Variants in NBPF12 observed in about 807,000 individuals in gnomAD.
NBPF12 encodes the protein NBPF family member NBPF12.
NBPF12 carries 115 observed loss-of-function variants against 146.4 expected under a neutral mutation model. That is an observed-to-expected ratio of 0.79 (90% CI 0.68 to 0.92). The LOEUF (loss-of-function observed/expected upper bound fraction) is 0.92. Among genes scored for constraint, NBPF12 ranks in the 40% least tolerant of loss-of-function variants. The pLI, the probability that NBPF12 is intolerant of heterozygous loss-of-function variation, is 0.00. For synonymous variants in NBPF12, 385 were observed against 508.9 expected, an observed-to-expected ratio of 0.76 and a Z score of 3.28; for missense variants, 1,205 against 1,326.8, an observed-to-expected ratio of 0.91 and a Z score of 1.43.
At chr1:146,994,448 G>A in exon 34 of NBPF12, 1 of 1,611,906 alleles carries the variant, frequency 6.2e-7, no homozygotes, top group Non-Finnish European at 8.5e-7. Context: ...CAGCACTACA[G>A]AAGTGTGTTT....
At chr1:146,961,317 C>G (rs1255942059) in intron 4 of NBPF12, among the ~76,000 whole-genome samples, 2 of 151,480 alleles carry the variant, frequency 1.3e-5, no homozygotes, top group Non-Finnish European at 2.9e-5. Flanking sequence ...AGCAGGGACC[C>G]TCAGCCTGTC....
rs1553885687 is a variant in NBPF12, at chr1:146,966,642, C to T, written c.957C>T (p.Ala319=). The T allele has an allele frequency of 1.7e-5, 26 of 1,501,268 alleles. 1 individual carries two copies. The highest frequency in any genetic ancestry group is 9.0e-5 in the East Asian group (4 of 44,414). The allele number at this position is 1,501,268 out of a possible 1,614,324, so 93.0% of individuals were successfully genotyped here. A position where few individuals can be genotyped will look rare whatever the true frequency, so the allele number is the denominator to read the frequency against. ...AGAAATGTTTTGTAACTCAACTGGC[C>T]GGCTTCCTGGCCAAGCAGCAGAACA... Residue 319 remains alanine (A), a synonymous_variant, in exon 9 of 34, where the codon GCC becomes GCT. Coordinates refer to ENST00000617844, the Ensembl canonical transcript of NBPF12.
chr1:146,962,266 G>T lies in NBPF12; in HGVS notation c.278+3G>T. ...CTGAAACAAGCTGAGGAGCTCAGGT[G>T]AGGGGACCCCATGGGGGGAGGCAGG... is the stretch of plus-strand genomic sequence containing the variant. On this transcript the variant is annotated splice_donor_region_variant and intron_variant, in intron 5 of 33. Transcript: ENST00000617844. 6.2e-7 allele frequency: 1 copy of T among 1,603,092 alleles called. No homozygotes were observed. Among genetic ancestry groups the T allele is most frequent in the South Asian group, 1.1e-5 (1 of 90,938 alleles).
At chr1:146,948,498 T>A (rs1254015333), upstream of NBPF12, among the ~76,000 whole-genome samples, 1 of 151,620 alleles carries the variant, frequency 6.6e-6, no homozygotes, top group Non-Finnish European at 1.5e-5. Flanking sequence ...GTTAAATGGA[T>A]TAAGGGCTGT....
At position 146,954,896 on chromosome 1, in the gene NBPF12, C is replaced by A. The variant is rs1305642382; in HGVS notation, c.-184+3407C>A. ...GTATACACACCCACACACACACACACAAACGTGTGTGTGTGTGTGTGTGTG... is the reference window on the plus strand; with the variant it reads ...GTATACACACCCACACACACACACAAAAACGTGTGTGTGTGTGTGTGTGTG... On this transcript the variant is annotated intron_variant, in intron 2 of 33. Coordinates refer to ENST00000617844, the Ensembl canonical transcript of NBPF12. Among the ~76,000 whole-genome samples, 18 of 111,848 alleles carry A rather than the reference C, an allele frequency of 1.6e-4. No individual in the cohort carries two copies. The East Asian group carries it at 4.0e-3, about 25-fold the overall frequency. The allele number at this position is 111,848 out of a possible 152,430, so 73.4% of individuals were successfully genotyped here.
At chr1:146,954,774 G>A (rs1380832146) in intron 2 of NBPF12, among the ~76,000 whole-genome samples, 11,270 of 142,888 alleles carry the variant, frequency 0.079, 601 homozygotes, top group East Asian at 0.23. Context: ...GTGTTTTGTT[G>A]AAAAAAAAAT....
chr1:146,965,599 G>T (rs1322067618), intron 8 of NBPF12, among the ~76,000 whole-genome samples: 1 of 146,726 alleles, frequency 6.8e-6, no homozygotes, highest in African/African-American at 2.6e-5. Flanking sequence ...TGGCTAACAC[G>T]GTGAAACCCC....
intron 16 of NBPF12, among the ~76,000 whole-genome samples, chr1:146,976,374 G>T (rs1400576899): frequency 7.3e-6 from 1 of 137,492 alleles, no homozygotes; most frequent in Non-Finnish European, 1.5e-5. Flanking sequence ...TTTCCAAAAT[G>T]AGATGAAGCC....
intron 1 of NBPF12, among the ~76,000 whole-genome samples, chr1:146,950,571 C>G (rs1483019816): frequency 1.3e-5 from 2 of 151,790 alleles, no homozygotes; most frequent in Non-Finnish European, 2.9e-5. Context: ...CCTCTGGGCT[C>G]TCTGCTCTGC....
At chr1:146,959,473 G>A (rs1345740578) in intron 2 of NBPF12, among the ~76,000 whole-genome samples, 1 of 62,928 alleles carries the variant, frequency 1.6e-5, no homozygotes, top group Non-Finnish European at 3.1e-5. Context: ...GGGCGACAGA[G>A]TGAGACTCTG....
upstream of NBPF12, among the ~76,000 whole-genome samples, chr1:146,938,436 G>A (rs1334551088): frequency 9.9e-5 from 15 of 152,122 alleles, no homozygotes; most frequent in African/African-American, 3.6e-4. Context: ...GGCAGGGGCG[G>A]TTCAAGTGGC....
exon 13 of NBPF12, chr1:146,971,257 G>A: frequency 6.2e-7 from 1 of 1,612,362 alleles, no homozygotes; most frequent in East Asian, 2.2e-5. Flanking sequence ...TGTTCAAATA[G>A]CCACGGCCCT....
upstream of NBPF12, among the ~76,000 whole-genome samples, chr1:146,948,729 G>A (rs1553883595): frequency 3.1e-4 from 47 of 151,926 alleles, no homozygotes; most frequent in African/African-American, 8.5e-4. Flanking sequence ...CCCGACACCC[G>A]TAAAGGGTCT....
In NBPF12 at chr1:146,969,574, C is replaced by A. The variant is rs1371401089; in HGVS notation, c.1284C>A (p.His428Gln). 1,023 of 1,608,364 alleles carry A rather than the reference C, an allele frequency of 6.4e-4. 19 individuals carry two copies. Among genetic ancestry groups the A allele is most frequent in the East Asian group, 6.1e-3 (274 of 44,810 alleles). ...CTGAGGGGTGTAGACTGGCACAGCA[C>A]CTTGTCCAAAAGCTCAGCCCAGGTA... Residue 428 changes from histidine to glutamine, a missense_variant, in exon 11 of 34, where the codon CAC (histidine) becomes CAA (glutamine). Transcript: ENST00000617844.
At chr1:146,960,835 A>C (rs1655800699) in intron 4 of NBPF12, among the ~76,000 whole-genome samples, 1 of 152,040 alleles carries the variant, frequency 6.6e-6, no homozygotes. Context: ...TGTGCTATCT[A>C]TAAGTGACAG....
chr1:146,975,552 A>C (rs1325809371), intron 15 of NBPF12, 125 bp from the exon 19 acceptor site: 3 of 595,840 alleles, frequency 5.0e-6, no homozygotes, highest in African/African-American at 2.1e-5. Context: ...CATTCCTTTC[A>C]ACATGTGCTG....
chr1:146,989,342 CTCTG>C (rs1657998063), intron 27 of NBPF12, among the ~76,000 whole-genome samples: 1 of 106,286 alleles, frequency 9.4e-6, no homozygotes, highest in African/African-American at 3.3e-5. Flanking sequence ...TTCTCTCTGT[CTCTG>C]TCTCTGTCTC....
At chr1:146,942,847 C>T (rs1357900734) in intron 1 of NBPF12, among the ~76,000 whole-genome samples, 7 of 149,424 alleles carry the variant, frequency 4.7e-5, no homozygotes, top group African/African-American at 1.5e-4. Context: ...CAGAAAGAAT[C>T]GAATTCTTGT....
exon 22 of NBPF12, chr1:146,984,903 A>G: frequency 4.4e-6 from 7 of 1,597,306 alleles, no homozygotes; most frequent in South Asian, 1.1e-5. Context: ...TTTATCTTGG[A>G]CTGACTGACT....
Sources: gnomAD v4.1 joint callset for allele counts (sites outside exome capture counted in the v4.1 genomes callset) on GRCh38, gnomAD v4.1.1 for gene constraint, MANE v1.5 for transcripts, NCBI Gene and HGNC (gene_info 2026-07-23, HGNC 2026-07-21) for gene names.